KIAA1671: variants seen among roughly 807,000 people sequenced by gnomAD.
KIAA1671 encodes the protein KIAA1671, also known as uncharacterized protein KIAA1671.
A neutral mutation model predicts 131.2 loss-of-function variants in KIAA1671; 52 were observed. That is an observed-to-expected ratio of 0.40 (90% CI 0.32 to 0.50). The LOEUF (loss-of-function observed/expected upper bound fraction) is 0.50, where lower values mean the gene tolerates loss of function less well. KIAA1671 is among the 20% of genes least tolerant of loss of function. The pLI, the probability that KIAA1671 is intolerant of heterozygous loss-of-function variation, is 0.73. For synonymous variants in KIAA1671, 1,003 were observed against 961.6 expected (o/e 1.04, Z -0.80); for missense variants, 2,360 against 2,364.2 (o/e 1.00, Z 0.04).
At chr22:25,081,766 A>C (rs749121259) in intron 6 of KIAA1671, among the ~76,000 whole-genome samples, 3 of 152,162 alleles carry the variant, frequency 2.0e-5, no homozygotes, top group Non-Finnish European at 2.9e-5. Flanking sequence ...CAAAGGTTGC[A>C]CAGAGCCTCT....
intron 6 of KIAA1671, among the ~76,000 whole-genome samples, chr22:25,089,164 A>G (rs1929888902): frequency 6.6e-6 from 1 of 150,694 alleles, no homozygotes; most frequent in African/African-American, 2.4e-5. Context: ...ATACTACCCA[A>G]TTTTATGTAA....
chr22:25,020,224 C>T (rs1925588334), intron 1 of KIAA1671, among the ~76,000 whole-genome samples: 1 of 152,016 alleles, frequency 6.6e-6, no homozygotes, highest in African/African-American at 2.4e-5. Context: ...TTTTTTTTCT[C>T]ATCTGTTAGA....
chr22:25,164,822 C>A (rs1428470054), intron 6 of KIAA1671, among the ~76,000 whole-genome samples: 2 of 152,050 alleles, frequency 1.3e-5, no homozygotes, highest in Admixed American at 1.3e-4. Flanking sequence ...GTGGCACGCA[C>A]CTGTAGTCCC....
intron 6 of KIAA1671, among the ~76,000 whole-genome samples, chr22:25,120,877 G>A (rs949019814): frequency 5.3e-5 from 8 of 152,166 alleles, no homozygotes; most frequent in African/African-American, 9.7e-5. Context: ...GTAATTTCCC[G>A]TTCTGGGCTA....
intron 6 of KIAA1671, among the ~76,000 whole-genome samples, chr22:25,102,280 G>C (rs1409034912): frequency 1.3e-5 from 2 of 152,280 alleles, no homozygotes; most frequent in Non-Finnish European, 2.9e-5. Flanking sequence ...GGCAGCCCTC[G>C]GTCTGGGCCT....
chr22:25,018,306 G>GCC (rs200171284), intron 1 of KIAA1671, among the ~76,000 whole-genome samples: 15 of 152,058 alleles, frequency 9.9e-5, no homozygotes, highest in Admixed American at 3.9e-4. Context: ...AAGGGCATGG[G>GCC]CCCCCCGACG....
intron 1 of KIAA1671, among the ~76,000 whole-genome samples, chr22:24,982,637 A>G (rs1234183332): frequency 6.6e-6 from 1 of 152,064 alleles, no homozygotes; most frequent in Non-Finnish European, 1.5e-5. Flanking sequence ...GGGTAACTTG[A>G]GTCTAGGGCA....
At chr22:25,036,370 G>A (rs967934907) in intron 4 of KIAA1671, among the ~76,000 whole-genome samples, 50 of 152,024 alleles carry the variant, frequency 3.3e-4, no homozygotes, top group Middle Eastern at 6.8e-3. Flanking sequence ...ATGAGCTACC[G>A]TACCTGGCTG....
intron 4 of KIAA1671, among the ~76,000 whole-genome samples, chr22:25,036,144 A>G (rs1401925774): frequency 6.6e-6 from 1 of 152,084 alleles, no homozygotes; most frequent in African/African-American, 2.4e-5. Context: ...GCAATGGCAC[A>G]ATCTCAGCTC....
chr22:24,976,901 CG>C, intron 1 of KIAA1671, among the ~76,000 whole-genome samples: 2 of 140,326 alleles, frequency 1.4e-5, no homozygotes, highest in East Asian at 3.9e-4. Context: ...GTTATTGGGT[CG>C]GGGAGGATAG....
intron 6 of KIAA1671, among the ~76,000 whole-genome samples, chr22:25,118,794 A>G (rs1221719197): frequency 6.6e-6 from 1 of 151,772 alleles, no homozygotes; most frequent in Non-Finnish European, 1.5e-5. Flanking sequence ...TCTGTCCTTT[A>G]TGCTCACTCT....
At chr22:25,130,474 G>A (rs979175639) in intron 6 of KIAA1671, among the ~76,000 whole-genome samples, 26 of 152,218 alleles carry the variant, frequency 1.7e-4, no homozygotes, top group African/African-American at 4.8e-4. Context: ...TACATAACCC[G>A]ATTAGCTGTT....
At chr22:25,163,001 G>A (rs16979679) in intron 6 of KIAA1671, among the ~76,000 whole-genome samples, 40,425 of 152,020 alleles carry the variant, frequency 0.27, 5,492 homozygotes, top group South Asian at 0.39. Flanking sequence ...CACAAAACTG[G>A]TGTCACAACA....
intron 9 of KIAA1671, among the ~76,000 whole-genome samples, chr22:25,179,721 C>CA (rs1479031289): frequency 6.6e-6 from 1 of 152,218 alleles, no homozygotes; most frequent in Non-Finnish European, 1.5e-5. Context: ...TTACAAGAGA[C>CA]AGAGACATAG....
intron 5 of KIAA1671, among the ~76,000 whole-genome samples, chr22:25,044,423 G>T (rs1342882968): frequency 6.6e-6 from 1 of 152,150 alleles, no homozygotes; most frequent in Admixed American, 6.5e-5. Flanking sequence ...CTCAGGGCCC[G>T]CTGGTGGTGG....
intron 1 of KIAA1671, among the ~76,000 whole-genome samples, chr22:24,971,683 TG>T (rs1272480134): frequency 6.6e-6 from 1 of 152,136 alleles, no homozygotes; most frequent in Admixed American, 6.5e-5. Flanking sequence ...CTGGCTGCTG[TG>T]GGATGTGGTA....
At chr22:25,042,070 C>T (rs1458549733) in intron 5 of KIAA1671, among the ~76,000 whole-genome samples, 1 of 152,134 alleles carries the variant, frequency 6.6e-6, no homozygotes, top group Non-Finnish European at 1.5e-5. Flanking sequence ...GGCAGGAATG[C>T]TGGCCTTGAG....
In KIAA1671 at chr22:25,040,927, C is replaced by T; in HGVS notation, c.3797C>T (p.Ala1266Val). The T allele has an allele frequency of 6.7e-7, 1 of 1,490,398 alleles. No homozygotes were observed. Among genetic ancestry groups the T allele is most frequent in the South Asian group, 1.4e-5 (1 of 72,882 alleles). 92.3% of individuals were successfully genotyped at this position (1,490,398 alleles called of 1,614,324 possible). A position where few individuals can be genotyped will look rare whatever the true frequency, so the allele number is the denominator to read the frequency against. Residue 1266 changes from alanine (A) to valine (V), a missense_variant, in exon 5 of 13, where the codon GCC becomes GTC. Ala to Val is a moderately conservative substitution (Grantham distance 64). Around this residue, in one of 3 missense-constraint regions of KIAA1671, gnomAD observed 1,161 missense variants for 1,204.7 expected, o/e 0.96. Transcript: ENST00000358431. ...TGGLWKPASS[A>V]EINHSFTPGL... ...GGTCTCTGGAAACCGGCCAGTTCTG[C>T]CGAAATAAATCACAGTTTCACTCCT...
In KIAA1671 at chr22:25,040,368, T is replaced by C. The variant is rs921062944; in HGVS notation, c.3238T>C (p.Leu1080=). The change falls in exon 5 of 13, where the codon TTG becomes CTG. Residue 1080 remains leucine, a synonymous_variant. Coordinates refer to ENST00000358431, the MANE Select transcript of KIAA1671 (RefSeq NM_001145206.2). ...GGTTTCTCTTGGTCATGAAGAGGCA[T>C]TGGAGATGGCAGGCAGTAAAAACTG... The part of the protein sequence containing the change: ...TLVSLGHEEA[L]EMAGSKNWMK... 1.1e-5 allele frequency: 17 copies of C among 1,551,848 alleles called. No homozygotes were observed. Among genetic ancestry groups the C allele is most frequent in the Admixed American group, 5.9e-5 (3 of 51,000 alleles).
Sources: allele counts gnomAD v4.1 joint callset (sites outside exome capture counted in the v4.1 genomes callset), GRCh38; gene constraint gnomAD v4.1.1; regional missense constraint gnomAD v4.1.1; transcripts MANE v1.5; gene names NCBI Gene and HGNC (gene_info 2026-07-23, HGNC 2026-07-21).